Variants in CTBP2 observed in about 807,000 individuals in gnomAD.
The protein encoded by CTBP2 is C-terminal binding protein 2.
Under a neutral mutation model 80.3 loss-of-function variants are expected in CTBP2, and 30 were observed. That is an observed-to-expected ratio of 0.37 (90% CI 0.28 to 0.51). The LOEUF is 0.51. Among genes scored for constraint, CTBP2 ranks in the 20% least tolerant of loss-of-function variants. The pLI is 0.93. For synonymous variants in CTBP2, 594 were observed against 587.4 expected, an observed-to-expected ratio of 1.01 and a Z score of -0.16; for missense variants, 1,212 against 1,375.3, an observed-to-expected ratio of 0.88 and a Z score of 1.88.
At chr10:125,089,974 G>A (rs1282150797) in intron 2 of CTBP2, among the ~76,000 whole-genome samples, 2 of 152,140 alleles carry the variant, frequency 1.3e-5, no homozygotes, top group African/African-American at 4.8e-5. Flanking sequence ...TTGCTCCACT[G>A]GTGGGAACCT....
At chr10:125,040,478 G>A (rs1389616351) in intron 2 of CTBP2, among the ~76,000 whole-genome samples, 3 of 110,758 alleles carry the variant, frequency 2.7e-5, no homozygotes, top group Non-Finnish European at 3.7e-5. Flanking sequence ...AAAAAAAAAA[G>A]GTGGCTTGAA....
At chr10:125,104,271 G>A (rs1222930500) in intron 2 of CTBP2, among the ~76,000 whole-genome samples, 2 of 152,124 alleles carry the variant, frequency 1.3e-5, no homozygotes, top group Admixed American at 6.5e-5. Flanking sequence ...ATAAAGAAAC[G>A]GAAATTAAAC....
chr10:125,111,280 A>G (rs551831035), intron 1 of CTBP2, among the ~76,000 whole-genome samples, 187 bp from the exon 2 acceptor site: 65 of 152,350 alleles, frequency 4.3e-4, no homozygotes, highest in African/African-American at 1.5e-3. Flanking sequence ...ATTAAACAGT[A>G]GAGCACCAGA....
At chr10:125,093,645 CTAA>C (rs1849111859) in intron 2 of CTBP2, among the ~76,000 whole-genome samples, 1 of 152,238 alleles carries the variant, frequency 6.6e-6, no homozygotes, top group African/African-American at 2.4e-5. Context: ...ATGCAGTGAC[CTAA>C]TATCACTGGA....
intron 1 of CTBP2, among the ~76,000 whole-genome samples, chr10:125,114,167 C>T (rs1468851299): frequency 6.6e-6 from 1 of 152,130 alleles, no homozygotes; most frequent in Non-Finnish European, 1.5e-5. Flanking sequence ...TTAAAATCAC[C>T]ACTACTTCTG....
chr10:125,095,892 C>T (rs1405424076), intron 2 of CTBP2, among the ~76,000 whole-genome samples: 2 of 152,084 alleles, frequency 1.3e-5, no homozygotes, highest in African/African-American at 4.8e-5. Flanking sequence ...TGCTAAGGCC[C>T]AATGGTCATG....
chr10:125,154,993 G>T (rs2133472753), intron 1 of CTBP2, among the ~76,000 whole-genome samples: 1 of 152,330 alleles, frequency 6.6e-6, no homozygotes, highest in East Asian at 1.9e-4. Flanking sequence ...TGTGACTTAA[G>T]ATGCCTCCTT....
chr10:125,016,996 T>C (rs1956562619), intron 1 of CTBP2, among the ~76,000 whole-genome samples: 1 of 152,180 alleles, frequency 6.6e-6, no homozygotes, highest in Non-Finnish European at 1.5e-5. Flanking sequence ...CGCTGGGCAG[T>C]TGGTGCCAAC....
At chr10:125,038,948 G>C (rs367888544) in intron 3 of CTBP2, 49 bp downstream of exon 3, 15 of 1,586,534 alleles carry the variant, frequency 9.5e-6, no homozygotes, top group Non-Finnish European at 1.2e-5. Flanking sequence ...GCGAAGATTT[G>C]AGTGAGGGAC....
intron 1 of CTBP2, chr10:125,005,568 G>A: frequency 1.2e-6 from 2 of 1,611,674 alleles, no homozygotes; most frequent in African/African-American, 2.7e-5. Context: ...CTGTATGAGT[G>A]GACAGGAAGC....
intron 1 of CTBP2, among the ~76,000 whole-genome samples, chr10:125,120,570 AGAGACAGGGTTTC>A (rs1239628192): frequency 6.6e-6 from 1 of 152,184 alleles, no homozygotes. Context: ...TATTTTCTGC[AGAGACAGGGTTTC>A]GCCACGTTGG....
chr10:125,154,140 A>G (rs764817395), intron 1 of CTBP2, among the ~76,000 whole-genome samples: 7 of 152,238 alleles, frequency 4.6e-5, no homozygotes, highest in Non-Finnish European at 1.0e-4. Flanking sequence ...TGATCAGAGG[A>G]GAGCTTTGGA....
At chr10:125,013,337 C>T (rs1956131854) in intron 1 of CTBP2, among the ~76,000 whole-genome samples, 1 of 152,238 alleles carries the variant, frequency 6.6e-6, no homozygotes, top group African/African-American at 2.4e-5. Context: ...ACAGACTAGA[C>T]TTTCCCAGGA....
intron 1 of CTBP2, among the ~76,000 whole-genome samples, chr10:125,152,003 GGCGCGAGGTGGGGGGGCC>G (rs1183551061): frequency 1.3e-5 from 2 of 152,160 alleles, no homozygotes; most frequent in Non-Finnish European, 2.9e-5. Flanking sequence ...GTAAAGGCGA[GGCGCGAGGTGGGGGGGCC>G]CGGGGGTGTC....
In CTBP2 at chr10:124,993,993, A is replaced by T. The variant is rs1172567014; in HGVS notation, c.2401-8T>A. On this transcript the variant is annotated splice_polypyrimidine_tract_variant and splice_region_variant and intron_variant, in intron 5 of 8. Transcript: ENST00000309035. ...GAATGCTCCCTGCCTCATCTGTGGA[A>T]GGAAAGAAAAGCCGGTTACAGGCAC... The T allele has an allele frequency of 1.2e-6, 2 of 1,613,810 alleles. No individual in the cohort carries two copies. Among genetic ancestry groups the T allele is most frequent in the African/African-American group, 2.7e-5 (2 of 75,054 alleles).
chr10:125,049,998 C>T (rs1933823832), intron 2 of CTBP2, among the ~76,000 whole-genome samples: 1 of 152,216 alleles, frequency 6.6e-6, no homozygotes, highest in South Asian at 2.1e-4. Context: ...GTAGTTTGGG[C>T]ATGCACTGGG....
At chr10:125,008,444 A>G (rs981284886) in intron 1 of CTBP2, among the ~76,000 whole-genome samples, 2 of 152,230 alleles carry the variant, frequency 1.3e-5, no homozygotes, top group African/African-American at 2.4e-5. Flanking sequence ...TGACCGAGCT[A>G]TCACATTCAT....
intron 2 of CTBP2, among the ~76,000 whole-genome samples, chr10:125,084,889 C>T (rs1590657193): frequency 6.6e-6 from 1 of 152,334 alleles, no homozygotes; most frequent in African/African-American, 2.4e-5. Context: ...ACTGCCCAGG[C>T]TTGACACACA....
At chr10:125,013,781 C>A (rs371141259) in intron 1 of CTBP2, among the ~76,000 whole-genome samples, 1 of 152,178 alleles carries the variant, frequency 6.6e-6, no homozygotes. Flanking sequence ...AAGCATGCAA[C>A]CCCAGGGTCC....
Sources: gnomAD v4.1 joint callset for allele counts (sites outside exome capture counted in the v4.1 genomes callset) on GRCh38, gnomAD v4.1.1 for gene constraint, MANE v1.5 for transcripts, NCBI Gene and HGNC (gene_info 2026-07-23, HGNC 2026-07-21) for gene names.